The following RHOA variants were observed in gnomAD, a reference collection of about 807,000 sequenced individuals.
RHOA encodes ras homolog family member A.
In RHOA, 3 loss-of-function variants were observed where a neutral mutation model predicts 17.5. That is an observed-to-expected ratio of 0.17 (90% confidence interval 0.08 to 0.44). RHOA has a LOEUF of 0.44. Among genes scored for constraint, RHOA ranks in the 20% least tolerant of loss-of-function variants. The probability of loss-of-function intolerance (pLI) is 0.99; values close to 1 mark genes in which losing one functional copy is unlikely to be tolerated. For synonymous variants in RHOA, 98 were observed against 88.4 expected, an observed-to-expected ratio of 1.11 and a Z score of -0.61; for missense variants, 56 against 242.3, an observed-to-expected ratio of 0.23 and a Z score of 5.10.
chr3:49,385,551 AT>A (rs998937559), intron 1 of RHOA, among the ~76,000 whole-genome samples: 19 of 151,468 alleles, frequency 1.3e-4, no homozygotes, highest in South Asian at 4.2e-4. Context: ...TGTTTTTTTT[AT>A]TTTTTTGATG....
At chr3:49,375,273 AGAAC>A (rs1258952637) in intron 2 of RHOA, among the ~76,000 whole-genome samples, 157 bp downstream of exon 2, 1 of 152,066 alleles carries the variant, frequency 6.6e-6, no homozygotes, top group Non-Finnish European at 1.5e-5. Flanking sequence ...AAAAAAAAAA[AGAAC>A]AAACTTGGAC....
chr3:49,390,071 C>T (rs2048470805), intron 1 of RHOA, among the ~76,000 whole-genome samples: 2 of 151,852 alleles, frequency 1.3e-5, no homozygotes, highest in Non-Finnish European at 1.5e-5. Context: ...ATTGGCGGGT[C>T]CCCGTCCATC....
intron 1 of RHOA, among the ~76,000 whole-genome samples, chr3:49,379,801 C>A (rs755579002): frequency 2.0e-5 from 3 of 152,184 alleles, no homozygotes; most frequent in African/African-American, 4.8e-5. Context: ...CAGGCGTGAG[C>A]CACCGCACCC....
At chr3:49,380,938 G>GTA (rs2048306977) in intron 1 of RHOA, among the ~76,000 whole-genome samples, 1 of 72,116 alleles carries the variant, frequency 1.4e-5, no homozygotes. Flanking sequence ...ATACGTGTGT[G>GTA]TGTATATATA....
intron 1 of RHOA, among the ~76,000 whole-genome samples, chr3:49,376,919 A>G (rs1559502536): frequency 6.6e-6 from 1 of 151,378 alleles, no homozygotes; most frequent in Non-Finnish European, 1.5e-5. Context: ...ACCTGAGGTC[A>G]GGAGTTTGAG....
intron 1 of RHOA, 80 bp downstream of exon 1, chr3:49,411,740 G>A (rs1282491467): frequency 6.6e-6 from 1 of 152,044 alleles, no homozygotes; most frequent in Non-Finnish European, 1.5e-5. Flanking sequence ...CCGCGGCGGT[G>A]CGGCGGCCTG....
At chr3:49,389,080 G>A (rs1383038393) in intron 1 of RHOA, among the ~76,000 whole-genome samples, 5 of 151,996 alleles carry the variant, frequency 3.3e-5, no homozygotes, top group Admixed American at 6.6e-5. Flanking sequence ...GGTAGCTCAC[G>A]CCTGTAATCC....
At chr3:49,393,672 C>G (rs140111281) in intron 1 of RHOA, among the ~76,000 whole-genome samples, 755 of 54,140 alleles carry the variant, frequency 0.014, 4 homozygotes, top group East Asian at 0.078. Context: ...CTCAAATTCT[C>G]TCTCTGTGTG....
At chr3:49,365,588 C>CTT (rs62741361) in intron 3 of RHOA, among the ~76,000 whole-genome samples, 58 of 124,960 alleles carry the variant, frequency 4.6e-4, no homozygotes, top group African/African-American at 1.1e-3. Flanking sequence ...AATTTTCAAA[C>CTT]TTTTTTTTTT....
intron 4 of RHOA, among the ~76,000 whole-genome samples, chr3:49,361,291 G>A (rs180811751): frequency 2.3e-4 from 35 of 152,190 alleles, no homozygotes; most frequent in African/African-American, 7.5e-4. Context: ...TGCCCTGAAG[G>A]AAATAAAGCC....
intron 2 of RHOA, among the ~76,000 whole-genome samples, chr3:49,371,177 C>T (rs2048141634): frequency 6.6e-6 from 1 of 152,044 alleles, no homozygotes; most frequent in Non-Finnish European, 1.5e-5. Context: ...GATGTTGAGT[C>T]TGTCTCATAT....
chr3:49,410,282 T>G (rs183943793), intron 1 of RHOA, among the ~76,000 whole-genome samples: 2 of 152,314 alleles, frequency 1.3e-5, no homozygotes, highest in African/African-American at 4.8e-5. Context: ...GGAAATTTAC[T>G]TAAGTCTCTG....
At chr3:49,399,157 C>A (rs2048675642) in intron 1 of RHOA, among the ~76,000 whole-genome samples, 2 of 149,626 alleles carry the variant, frequency 1.3e-5, no homozygotes, top group African/African-American at 4.9e-5. Context: ...ATCACGAGGT[C>A]AGGAGATCAA....
At chr3:49,389,108 G>A (rs762144093) in intron 1 of RHOA, among the ~76,000 whole-genome samples, 1 of 152,040 alleles carries the variant, frequency 6.6e-6, no homozygotes, top group Non-Finnish European at 1.5e-5. Flanking sequence ...TTGGGAGGCC[G>A]AGGCGGGTGG....
intron 1 of RHOA, among the ~76,000 whole-genome samples, chr3:49,404,417 A>C (rs1249116109): frequency 2.0e-4 from 6 of 29,960 alleles, no homozygotes; most frequent in African/African-American, 6.2e-4. Flanking sequence ...ACAAAGTAAA[A>C]CCCCGTCTCT....
At chr3:49,362,356 T>C (rs1164944405) in intron 4 of RHOA, 140 bp downstream of exon 4, 1 of 762,338 alleles carries the variant, frequency 1.3e-6, no homozygotes, top group East Asian at 2.7e-5. Flanking sequence ...TCCCAATTAA[T>C]GAGGGTCAGA....
At chr3:49,385,150 CT>C (rs2107867002) in intron 1 of RHOA, among the ~76,000 whole-genome samples, 1 of 151,916 alleles carries the variant, frequency 6.6e-6, no homozygotes, top group East Asian at 1.9e-4. Flanking sequence ...TCAAGTGATT[CT>C]CCCGTGTTGG....
At chr3:49,363,654 C>T (rs1283627362) in intron 3 of RHOA, among the ~76,000 whole-genome samples, 1 of 151,918 alleles carries the variant, frequency 6.6e-6, no homozygotes, top group Non-Finnish European at 1.5e-5. Flanking sequence ...GAGTTCGAGA[C>T]CAGCCTGGCC....
intron 1 of RHOA, among the ~76,000 whole-genome samples, chr3:49,387,586 A>T (rs553592001): frequency 1.3e-5 from 2 of 151,764 alleles, no homozygotes; most frequent in Non-Finnish European, 2.9e-5. Flanking sequence ...TACTAAAAAT[A>T]CAAAAAAAAT....
Sources: allele counts gnomAD v4.1 joint callset (sites outside exome capture counted in the v4.1 genomes callset), GRCh38; gene constraint gnomAD v4.1.1; transcripts MANE v1.5; gene names NCBI Gene and HGNC (gene_info 2026-07-23, HGNC 2026-07-21).